The following SLIT2 variants were observed in gnomAD, a reference collection of about 807,000 sequenced individuals.
SLIT2 encodes the protein slit guidance ligand 2.
SLIT2 carries 41 observed loss-of-function variants against 185.7 expected under a neutral mutation model. The ratio of observed to expected loss-of-function variants is 0.22; its 90% confidence interval spans 0.17 to 0.29. SLIT2 has a LOEUF of 0.29. Ranked by LOEUF, SLIT2 falls within the 10% of genes least tolerant of loss-of-function variation. The pLI, the probability that SLIT2 is intolerant of heterozygous loss-of-function variation, is 1.00. For synonymous variants in SLIT2, 693 were observed against 680.2 expected (o/e 1.02, Z -0.29); for missense variants, 1,571 against 1,909.0 (o/e 0.82, Z 3.30).
At chr4:20,600,471 G>T (rs1728324439) in intron 33 of SLIT2, among the ~76,000 whole-genome samples, 1 of 132,256 alleles carries the variant, frequency 7.6e-6, no homozygotes, top group Non-Finnish European at 1.5e-5. Flanking sequence ...CACCCAGGCT[G>T]GAGTGCAGTG....
At chr4:20,324,156 C>T (rs1051288371) in intron 4 of SLIT2, among the ~76,000 whole-genome samples, 3 of 152,126 alleles carry the variant, frequency 2.0e-5, no homozygotes, top group Non-Finnish European at 4.4e-5. Flanking sequence ...GCAAACCAGA[C>T]TGAGGACTGA....
At chr4:20,290,295 C>T (rs931025099) in intron 4 of SLIT2, among the ~76,000 whole-genome samples, 4 of 151,810 alleles carry the variant, frequency 2.6e-5, no homozygotes, top group Non-Finnish European at 5.9e-5. Context: ...TGGATTCAAC[C>T]AACAGCAGAT....
intron 4 of SLIT2, among the ~76,000 whole-genome samples, chr4:20,330,176 G>GT (rs778449530): frequency 2.0e-5 from 3 of 152,020 alleles, no homozygotes; most frequent in East Asian, 1.9e-4. Context: ...TTATTCTGTG[G>GT]TTTTTTTTCT....
chr4:20,466,456 C>T (rs764779396), intron 4 of SLIT2, among the ~76,000 whole-genome samples: 35 of 152,276 alleles, frequency 2.3e-4, no homozygotes, highest in Middle Eastern at 3.4e-3. Context: ...TGTTGTGCTA[C>T]AGACCTTTAC....
At chr4:20,492,758 G>A (rs1416237218) in intron 9 of SLIT2, among the ~76,000 whole-genome samples, 3 of 152,120 alleles carry the variant, frequency 2.0e-5, no homozygotes, top group African/African-American at 7.2e-5. Context: ...GGCCTACATA[G>A]TATGCGAAAA....
chr4:20,309,185 T>C (rs1717848304), intron 4 of SLIT2, among the ~76,000 whole-genome samples: 2 of 152,170 alleles, frequency 1.3e-5, no homozygotes, highest in African/African-American at 4.8e-5. Flanking sequence ...TTCTAGATAT[T>C]CTTAAATTAA....
rs538128131 is a variant in SLIT2 at position 20,579,293 on chromosome 4, C to T, written c.3088+10289C>T. On this transcript the variant is annotated intron_variant, in intron 29 of 36. Transcript: ENST00000504154. ...TAGCCTGGGTGACAGAACAAGACTC[C>T]GTCTAGGGAAAAAAAAAAAAAATAG... 2.1e-4 allele frequency among the ~76,000 whole-genome samples: 32 copies of T among 149,566 alleles called. No homozygotes were observed. In the South Asian group the frequency reaches 5.7e-3, roughly 27 times the overall value.
intron 5 of SLIT2, among the ~76,000 whole-genome samples, chr4:20,473,890 A>G (rs867262142): frequency 6.6e-6 from 1 of 152,034 alleles, no homozygotes; most frequent in Non-Finnish European, 1.5e-5. Context: ...TTAGGTCATA[A>G]TTGCAAAATG....
At chr4:20,336,848 G>A (rs1051081115) in intron 4 of SLIT2, among the ~76,000 whole-genome samples, 1 of 152,144 alleles carries the variant, frequency 6.6e-6, no homozygotes, top group East Asian at 1.9e-4. Context: ...ATGGTCATTT[G>A]AACCGCATTT....
Position 20,472,556 on chromosome 4 carries a change from ATATATATC to A in SLIT2, c.467+4741_467+4748del, listed in dbSNP as rs1361157022. 4.1e-3 allele frequency among the ~76,000 whole-genome samples: 83 copies of A among 20,316 alleles called. 20 individuals carry two copies. The highest frequency in any genetic ancestry group is 9.3e-3 in the South Asian group (4 of 432). 13.3% of individuals were successfully genotyped at this position (20,316 alleles called of 152,430 possible). A position where few individuals can be genotyped will look rare whatever the true frequency, so the allele number is the denominator to read the frequency against. On this transcript the variant is annotated intron_variant, in intron 5 of 36. Transcript: ENST00000504154. The stretch of plus-strand genomic sequence containing the variant: ...TAGATATATCTATATCTATATATAG[ATATATATC>A]TATATATAGATATATCTATATATAG...
intron 33 of SLIT2, 102 bp downstream of exon 33, chr4:20,598,497 C>T (rs1011893464): frequency 8.7e-6 from 12 of 1,385,716 alleles, no homozygotes; most frequent in Non-Finnish European, 1.2e-5. Flanking sequence ...ACTAAGTTGG[C>T]CCCAGCAGGT....
intron 32 of SLIT2, among the ~76,000 whole-genome samples, chr4:20,598,049 TA>T (rs1728118990): frequency 6.6e-6 from 1 of 152,236 alleles, no homozygotes; most frequent in African/African-American, 2.4e-5. Flanking sequence ...GAGGATTTCT[TA>T]TTGTTCTTTT....
Position 20,546,540 on chromosome 4 carries a change from T to A in SLIT2, c.2345+441T>A, listed in dbSNP as rs1055452750. 3.3e-5 allele frequency among the ~76,000 whole-genome samples: 5 copies of A among 152,138 alleles called. 1 individual carries two copies. Among genetic ancestry groups the A allele is most frequent in the Admixed American group, 1.3e-4 (2 of 15,242 alleles). ...TATGTTTGTTTCTTATACAAAGCAT[T>A]GTTAAATAAGTTATGGGTTTCCAGT... On this transcript the variant is annotated intron_variant, in intron 22 of 36. Coordinates refer to ENST00000504154, the MANE Select transcript of SLIT2 (RefSeq NM_004787.4).
chr4:20,507,712 T>G lies in SLIT2; in HGVS notation c.915-2783T>G, dbSNP rs1301390925. On this transcript the variant is annotated intron_variant, in intron 9 of 36. Transcript: ENST00000504154. Reference sequence around the variant, plus strand: ...TTTCTTTAGATTATTTTCAAGAACCTGAAATAATATCTATGAAAAGTAGTA... The same window carrying G: ...TTTCTTTAGATTATTTTCAAGAACCGGAAATAATATCTATGAAAAGTAGTA... Among the ~76,000 whole-genome samples, 3 of 151,708 alleles carry G rather than the reference T, an allele frequency of 2.0e-5. No homozygotes were observed. In the East Asian group the frequency reaches 5.8e-4, roughly 29 times the overall value.
chr4:20,490,171 C>G (rs899437348), intron 8 of SLIT2, among the ~76,000 whole-genome samples: 1 of 152,138 alleles, frequency 6.6e-6, no homozygotes, highest in Non-Finnish European at 1.5e-5. Context: ...CTAACGTTTA[C>G]TGAGTTTTTT....
At chr4:20,388,788 A>ATATAT (rs1361241611) in intron 4 of SLIT2, among the ~76,000 whole-genome samples, 4 of 103,512 alleles carry the variant, frequency 3.9e-5, no homozygotes, top group East Asian at 2.3e-4. Context: ...GAAAAAAAAA[A>ATATAT]AAAAATATAT....
chr4:20,257,913 C>G lies in SLIT2; in HGVS notation c.297C>G (p.Phe99Leu). 1 of 1,566,012 alleles carries G rather than the reference C, an allele frequency of 6.4e-7. No homozygotes were observed. The highest frequency in any genetic ancestry group is 8.8e-7 in the Non-Finnish European group (1 of 1,139,502). The change falls in exon 3 of 37, where the codon TTC becomes TTG. Residue 99 changes from phenylalanine (F) to leucine (L), a missense_variant. By Grantham distance (22) the Phe-to-Leu change is conservative. Coordinates refer to ENST00000504154, the MANE Select transcript of SLIT2 (RefSeq NM_004787.4). ...NKISTIERGA[F>L]QDLKELERLR... is the part of the protein sequence containing the mutation. ...TTAGCACCATTGAAAGAGGAGCATTCCAGGATCTTAAAGAACTAGAGAGAC... is the reference window on the plus strand; with the variant it reads ...TTAGCACCATTGAAAGAGGAGCATTGCAGGATCTTAAAGAACTAGAGAGAC...
At position 20,528,762 on chromosome 4, in the gene SLIT2, T is replaced by C. The variant is rs1721522715; in HGVS notation, c.1463-187T>C. Reference sequence around the variant, plus strand: ...ATGTTTTCCTGTCATGTGAATCTGGTCACTCTTTTTTCCAGAAAATTCCAA... The same window carrying C: ...ATGTTTTCCTGTCATGTGAATCTGGCCACTCTTTTTTCCAGAAAATTCCAA... On this transcript the variant is annotated intron_variant, in intron 15 of 36. Coordinates refer to ENST00000504154, the MANE Select transcript of SLIT2 (RefSeq NM_004787.4). This position sits in a 1 kb window ranked among gnomAD's most constrained non-coding sequence, Gnocchi z 4.2. Among the ~76,000 whole-genome samples the C allele has an allele frequency of 6.6e-6, 1 of 152,174 alleles. No individual in the cohort carries two copies.
At chr4:20,460,083 C>T (rs1297332807) in intron 4 of SLIT2, among the ~76,000 whole-genome samples, 1 of 151,934 alleles carries the variant, frequency 6.6e-6, no homozygotes, top group African/African-American at 2.4e-5. Context: ...AGTCTGGTCT[C>T]GAACTCCTGA....
Sources: allele counts gnomAD v4.1 joint callset (sites outside exome capture counted in the v4.1 genomes callset), GRCh38; gene constraint gnomAD v4.1.1; non-coding constraint Gnocchi (gnomAD v3.1); transcripts MANE v1.5; gene names NCBI Gene and HGNC (gene_info 2026-07-23, HGNC 2026-07-21).